USO1: variants seen among roughly 807,000 people sequenced by gnomAD.
USO1 encodes the protein USO1 vesicle transport factor.
In USO1, 57 loss-of-function variants were observed where a neutral mutation model predicts 124.5. The ratio of observed to expected loss-of-function variants is 0.46; its 90% CI spans 0.37 to 0.57. USO1 has a LOEUF of 0.57. Among genes scored for constraint, USO1 ranks in the 20% least tolerant of loss-of-function variants. The pLI is 0.00. For missense variants in USO1, 900 were observed against 1,040.6 expected (o/e 0.86, Z 1.86); for synonymous variants, 369 against 362.8 (o/e 1.02, Z -0.19).
At chr4:75,735,908 A>G (rs1295027695) in intron 1 of USO1, among the ~76,000 whole-genome samples, 2 of 152,188 alleles carry the variant, frequency 1.3e-5, no homozygotes, top group African/African-American at 2.4e-5. Context: ...AGCAATGAAT[A>G]TAAATAAATA....
rs1182405273 is a variant in USO1 at position 75,726,281 on chromosome 4, CAAAA to C, written c.66+1413_66+1416del. Reference sequence around the variant, plus strand: ...GGGCAACAAGAGCGAAACTCTGTCTCAAAAAAAAAAAAAAAAAAAAGGGGTGAAG... The same window carrying C: ...GGGCAACAAGAGCGAAACTCTGTCTCAAAAAAAAAAAAAAAAGGGGTGAAG... On this transcript the variant is annotated intron_variant, in intron 1 of 23. Coordinates refer to ENST00000514213, the MANE Select transcript of USO1 (RefSeq NM_003715.4). Among the ~76,000 whole-genome samples the C allele has an allele frequency of 5.7e-4, 43 of 75,488 alleles. No homozygotes were observed. The South Asian group carries it at 7.0e-3, about 12-fold the overall frequency. 49.5% of individuals were successfully genotyped at this position (75,488 alleles called of 152,430 possible).
At chr4:75,749,550 CACCATCAT>C (rs1165519743) in intron 1 of USO1, among the ~76,000 whole-genome samples, 3 of 151,138 alleles carry the variant, frequency 2.0e-5, no homozygotes, top group African/African-American at 4.9e-5. Flanking sequence ...TACAGGCTCA[CACCATCAT>C]ACCTAGCTAA....
At chr4:75,759,245 C>A (rs374851481) in intron 4 of USO1, among the ~76,000 whole-genome samples, 2 of 11,560 alleles carry the variant, frequency 1.7e-4, no homozygotes, top group South Asian at 3.2e-3. Context: ...TTATTAAGGA[C>A]CTTTTTTTTT....
intron 1 of USO1, among the ~76,000 whole-genome samples, chr4:75,748,790 G>A (rs562329917): frequency 6.6e-6 from 1 of 152,178 alleles, no homozygotes; most frequent in South Asian, 2.1e-4. Context: ...TCAACTATAA[G>A]CTACCTTAAA....
In USO1 at chr4:75,782,732, C is replaced by T. The variant is rs1722255345; in HGVS notation, c.729C>T (p.Asn243=). The stretch of plus-strand genomic sequence containing the variant: ...TGCTCCAAAACTTATTAAAAAACAA[C>T]AACTCCAATCAAAATTTTTTTAAAG... ...LILLQNLLKN[N]NSNQNFFKEG... The change falls in exon 9 of 24, where the codon AAC becomes AAT. Residue 243 remains asparagine (N), a synonymous_variant. Transcript: ENST00000514213. The T allele has an allele frequency of 6.3e-7, 1 of 1,578,564 alleles. No homozygotes were observed. Among genetic ancestry groups the T allele is most frequent in the East Asian group, 2.3e-5 (1 of 43,812 alleles).
At position 75,799,756 on chromosome 4, in the gene USO1, TA is replaced by T. The variant is rs770939709; in HGVS notation, c.1563+25del. ...TTGTATCCTTTATGTTTTAGTAACG[TA>T]CATGTAAGTATTTATATCTTTTTTA... On this transcript the variant is annotated intron_variant, in intron 14 of 23. Coordinates refer to ENST00000514213, the MANE Select transcript of USO1 (RefSeq NM_003715.4). The T allele has an allele frequency of 4.4e-5, 71 of 1,610,240 alleles. No homozygotes were observed. The African/African-American group carries it at 9.1e-4, about 21-fold the overall frequency.
chr4:75,794,900 A>G (rs1416713129), intron 13 of USO1, among the ~76,000 whole-genome samples: 2 of 152,224 alleles, frequency 1.3e-5, no homozygotes, highest in Non-Finnish European at 2.9e-5. Context: ...CTTATCTCTT[A>G]GAGATTAAAA....
intron 1 of USO1, among the ~76,000 whole-genome samples, chr4:75,736,695 A>C (rs1720802359): frequency 6.6e-6 from 1 of 152,206 alleles, no homozygotes; most frequent in Admixed American, 6.5e-5. Flanking sequence ...TACTTTTGTT[A>C]ATTACACTAA....
intron 1 of USO1, among the ~76,000 whole-genome samples, chr4:75,734,641 T>C (rs535617789): frequency 3.2e-4 from 49 of 151,744 alleles, no homozygotes; most frequent in Non-Finnish European, 6.0e-4. Context: ...GAATAGTTTG[T>C]TCTAATTCTG....
Position 75,782,720 on chromosome 4 carries a change from A to T in USO1, c.717A>T (p.Leu239Phe). 1 of 1,575,514 alleles carries T rather than the reference A, an allele frequency of 6.3e-7. No homozygotes were observed. The highest frequency in any genetic ancestry group is 8.6e-7 in the Non-Finnish European group (1 of 1,160,022). ...VEDCLILLQNLLKNNNSNQNF... is the reference protein window; with the variant it reads ...VEDCLILLQNFLKNNNSNQNF... ...ATTGTTTGATTTTGCTCCAAAACTT[A>T]TTAAAAAACAACAACTCCAATCAAA... Residue 239 changes from leucine (L) to phenylalanine (F), a missense_variant, in exon 9 of 24, where the codon TTA becomes TTT. By Grantham distance (22) the Leu-to-Phe change is conservative (BLOSUM62 0). Around this residue, in one of 2 missense-constraint regions of USO1, gnomAD observed 538 missense variants for 681.6 expected, o/e 0.79. Transcript: ENST00000514213.
intron 20 of USO1, 85 bp downstream of exon 20, chr4:75,806,657 C>T: frequency 6.8e-7 from 1 of 1,470,396 alleles, no homozygotes; most frequent in Non-Finnish European, 9.0e-7. Flanking sequence ...AAATCTAGAA[C>T]TATATTAGCA....
intron 3 of USO1, among the ~76,000 whole-genome samples, chr4:75,754,738 C>T (rs1721390036): frequency 6.6e-6 from 1 of 152,190 alleles, no homozygotes; most frequent in South Asian, 2.1e-4. Context: ...AGCTAGAGTC[C>T]ATTATTTTCT....
rs77027596 is a variant in USO1, at chr4:75,782,897, A to G, written c.855+39A>G. On this transcript the variant is annotated intron_variant, in intron 9 of 23. Transcript: ENST00000514213. ...AGACATAAATGTGGTAAGAATTTTG[A>G]CAGTGATCTTTTCAAAGAGAAGAAA... 18 of 1,523,168 alleles carry G rather than the reference A, an allele frequency of 1.2e-5. No homozygotes were observed. The East Asian group carries it at 4.5e-4, about 38-fold the overall frequency. The allele number at this position is 1,523,168 out of a possible 1,614,324, so 94.4% of individuals were successfully genotyped here.
chr4:75,729,522 G>A (rs1166704387), intron 1 of USO1, among the ~76,000 whole-genome samples: 2 of 152,060 alleles, frequency 1.3e-5, no homozygotes, highest in African/African-American at 4.8e-5. Context: ...TTGTATTTTA[G>A]TAGAGACAGG....
intron 13 of USO1, among the ~76,000 whole-genome samples, chr4:75,797,474 CTCTT>C (rs1553902337): frequency 1.4e-5 from 2 of 144,042 alleles, no homozygotes; most frequent in Admixed American, 1.4e-4. Context: ...CCATTATTCT[CTCTT>C]TTTTCTTTTT....
intron 7 of USO1, among the ~76,000 whole-genome samples, chr4:75,771,762 G>A (rs930618362): frequency 5.3e-5 from 8 of 152,114 alleles, no homozygotes; most frequent in Non-Finnish European, 1.0e-4. Flanking sequence ...TTTTATATTT[G>A]CATATAAGTT....
intron 1 of USO1, among the ~76,000 whole-genome samples, chr4:75,746,768 A>G (rs548603728): frequency 6.6e-6 from 1 of 152,346 alleles, no homozygotes; most frequent in African/African-American, 2.4e-5. Context: ...CGTGTTCTCA[A>G]TCTTGATTTC....
At chr4:75,771,175 G>T (rs371792702) in intron 7 of USO1, 38 bp downstream of exon 7, 104 of 1,560,766 alleles carry the variant, frequency 6.7e-5, no homozygotes, top group Non-Finnish European at 8.3e-5. Flanking sequence ...AAAATATGTG[G>T]CTTTTTTTTC....
At chr4:75,800,982 C>T in intron 16 of USO1, 97 bp from the exon 17 acceptor site, 3 of 1,382,126 alleles carry the variant, frequency 2.2e-6, no homozygotes, top group South Asian at 1.6e-5. Context: ...TATTTCTTAC[C>T]TATCATGGAG....
Sources: gnomAD v4.1 joint callset for allele counts (sites outside exome capture counted in the v4.1 genomes callset) on GRCh38, gnomAD v4.1.1 for gene constraint, gnomAD v4.1.1 regional missense constraint, MANE v1.5 for transcripts, NCBI Gene and HGNC (gene_info 2026-07-23, HGNC 2026-07-21) for gene names.